APCDD1L: variants seen among roughly 807,000 people sequenced by gnomAD.
APCDD1L encodes the protein protein APCDD1-like.
A neutral mutation model predicts 24.2 loss-of-function variants in APCDD1L; 21 were observed. That is an observed-to-expected ratio of 0.87 (90% CI 0.61 to 1.25). The LOEUF is 1.25. Ranked by LOEUF, APCDD1L falls within the 50% of genes most tolerant of loss-of-function variation. APCDD1L has a pLI of 0.00. For synonymous variants in APCDD1L, 321 were observed against 323.6 expected, an observed-to-expected ratio of 0.99 and a Z score of 0.09; for missense variants, 704 against 711.7, an observed-to-expected ratio of 0.99 and a Z score of 0.12.
rs1186485788 is a variant in APCDD1L at position 58,459,339 on chromosome 20, A to G, written c.*1451T>C. 1 of 151,622 alleles carries G rather than the reference A, an allele frequency of 6.6e-6. No homozygotes were observed. The highest frequency in any genetic ancestry group is 6.6e-5 in the Admixed American group (1 of 15,242). 9.4% of individuals were successfully genotyped at this position (151,622 alleles called of 1,614,324 possible). A position where few individuals can be genotyped will look rare whatever the true frequency, so the allele number is the denominator to read the frequency against. ...TTGTAGCTGTCTGAGAGCTACAGAG[A>G]ATACTAACTTGGTGGGCTTTTTTTT... On this transcript the variant is annotated 3_prime_UTR_variant, in exon 4 of 4. Coordinates refer to ENST00000371149, the MANE Select transcript of APCDD1L (RefSeq NM_153360.3).
intron 1 of APCDD1L, among the ~76,000 whole-genome samples, chr20:58,493,638 T>G (rs1360920466): frequency 6.6e-6 from 1 of 151,582 alleles, no homozygotes; most frequent in Admixed American, 6.6e-5. Context: ...TTCATCAACC[T>G]CAGGAACAAG....
intron 1 of APCDD1L, among the ~76,000 whole-genome samples, chr20:58,471,510 G>A (rs902902550): frequency 6.6e-6 from 1 of 152,266 alleles, no homozygotes; most frequent in South Asian, 2.1e-4. Flanking sequence ...ATGGACACGG[G>A]AAGCAGGCGC....
In APCDD1L at chr20:58,467,054, G is replaced by A. The variant is rs902675095; in HGVS notation, c.741+52C>T. On this transcript the variant is annotated intron_variant, in intron 3 of 3. Transcript: ENST00000371149. This position sits in a 1 kb window ranked among gnomAD's most constrained non-coding sequence, Gnocchi z 5.9. ...AGCTGCGGGGCTGGGTTCCGAGCTC[G>A]CCTCCCCGAGACCACCACCCCCCTC... is the stretch of plus-strand genomic sequence containing the variant. 7.0e-5 allele frequency: 108 copies of A among 1,534,468 alleles called. No homozygotes were observed. In the African/African-American group the frequency reaches 1.4e-3, roughly 20 times the overall value.
Position 58,467,782 on chromosome 20 carries a change from G to GC in APCDD1L, c.189-125dup. 1.0e-6 allele frequency: 1 copy of GC among 1,000,374 alleles called. No homozygotes were observed. The highest frequency in any genetic ancestry group is 1.7e-5 in the African/African-American group (1 of 58,866). The allele number at this position is 1,000,374 out of a possible 1,614,324, so 62.0% of individuals were successfully genotyped here. A position where few individuals can be genotyped will look rare whatever the true frequency, so the allele number is the denominator to read the frequency against. ...CTCTTAGTCCTCAGCTCAGGCCTGG[G>GC]CCCCTCCAGCCTCAGTTCCCCTCAC... On this transcript the variant is annotated intron_variant, in intron 2 of 3. Coordinates refer to ENST00000371149, the MANE Select transcript of APCDD1L (RefSeq NM_153360.3). This position sits in a 1 kb window ranked among gnomAD's most constrained non-coding sequence, Gnocchi z 5.9.
At chr20:58,474,056 G>A (rs1371713777) in intron 1 of APCDD1L, among the ~76,000 whole-genome samples, 1 of 152,208 alleles carries the variant, frequency 6.6e-6, no homozygotes, top group East Asian at 1.9e-4. Flanking sequence ...CACTCACTGA[G>A]CACACCCAGA....
intron 1 of APCDD1L, 72 bp from the exon 2 acceptor site, chr20:58,470,819 C>T: frequency 6.8e-7 from 1 of 1,469,574 alleles, no homozygotes; most frequent in Non-Finnish European, 9.0e-7. Flanking sequence ...CCCTCCCAAC[C>T]CCACTGTGGC....
intron 1 of APCDD1L, among the ~76,000 whole-genome samples, chr20:58,496,866 C>T (rs6026312): frequency 6.6e-6 from 1 of 152,164 alleles, no homozygotes; most frequent in East Asian, 1.9e-4. Context: ...TGGGTGAGGC[C>T]TGAGCCTGGC....
intron 1 of APCDD1L, among the ~76,000 whole-genome samples, chr20:58,480,825 C>G (rs955770331): frequency 6.6e-6 from 1 of 152,228 alleles, no homozygotes; most frequent in African/African-American, 2.4e-5. Flanking sequence ...TATTCTTGCT[C>G]TGGCTGGAGC....
Position 58,494,304 on chromosome 20 carries a change from C to CTCTCT in APCDD1L, c.49+20350_49+20354dup, listed in dbSNP as rs762710569. ...TCTTTTCTTACTTTTCTTTTCTCTT[C>CTCTCT]TCTCTTCTCTTCTCTTCTTTTCCTT... On this transcript the variant is annotated intron_variant, in intron 1 of 3. Coordinates refer to ENST00000371149, the MANE Select transcript of APCDD1L (RefSeq NM_153360.3). The surrounding 1 kb of genome is among the most constrained non-coding windows in gnomAD (Gnocchi z 4.8). Among the ~76,000 whole-genome samples the CTCTCT allele has an allele frequency of 5.0e-5, 4 of 80,284 alleles. No homozygotes were observed. The highest frequency in any genetic ancestry group is 8.4e-5 in the Non-Finnish European group (4 of 47,496). The allele number at this position is 80,284 out of a possible 152,430, so 52.7% of individuals were successfully genotyped here.
Position 58,461,404 on chromosome 20 carries a change from G to A in APCDD1L, c.892C>T (p.Leu298Phe), listed in dbSNP as rs755036746. 131 of 1,550,604 alleles carry A rather than the reference G, an allele frequency of 8.4e-5. No individual in the cohort carries two copies. Among genetic ancestry groups the A allele is most frequent in the Non-Finnish European group, 1.0e-4 (118 of 1,143,876 alleles). The change falls in exon 4 of 4, where the codon CTC (leucine) becomes TTC (phenylalanine). Residue 298 changes from leucine to phenylalanine, a missense_variant. Transcript: ENST00000371149. The surrounding 1 kb of genome is among the most constrained non-coding windows in gnomAD (Gnocchi z 6.0). ...CCGTGGAAAGTGAAGAGCCGGGTGA[G>A]GAACAGGACTGCTGGGCGCACCTCG... ...GCEVRPAVLF[L>F]TRLFTFHGHS...
At chr20:58,464,299 G>A (rs917060332) in intron 3 of APCDD1L, among the ~76,000 whole-genome samples, 1 of 152,202 alleles carries the variant, frequency 6.6e-6, no homozygotes. Context: ...GCTGCTAGTT[G>A]GTAATCTGGG....
chr20:58,483,234 A>G (rs1294786411), intron 1 of APCDD1L, among the ~76,000 whole-genome samples: 5 of 151,562 alleles, frequency 3.3e-5, no homozygotes, highest in Non-Finnish European at 7.4e-5. Flanking sequence ...CGCCGTGGGG[A>G]GGGTTGTCAT....
chr20:58,499,795 C>T (rs1990396103), intron 1 of APCDD1L, among the ~76,000 whole-genome samples: 1 of 152,208 alleles, frequency 6.6e-6, no homozygotes, highest in African/African-American at 2.4e-5. Context: ...TCTCCTCTCT[C>T]CAGCTTCCCT....
intron 1 of APCDD1L, among the ~76,000 whole-genome samples, chr20:58,490,759 G>A (rs1422320925): frequency 6.6e-6 from 1 of 152,176 alleles, no homozygotes; most frequent in Non-Finnish European, 1.5e-5. Flanking sequence ...ATACCCTTCC[G>A]GGTTTTGGAA....
intron 1 of APCDD1L, among the ~76,000 whole-genome samples, chr20:58,488,864 C>T (rs569891029): frequency 5.9e-5 from 9 of 152,032 alleles, no homozygotes; most frequent in African/African-American, 1.4e-4. Flanking sequence ...AAAAAGCAGA[C>T]GCTAATAAAA....
chr20:58,505,627 G>T lies in APCDD1L; in HGVS notation c.49+9032C>A, dbSNP rs554292059. 5.3e-5 allele frequency among the ~76,000 whole-genome samples: 8 copies of T among 152,238 alleles called. No homozygotes were observed. The East Asian group carries it at 1.5e-3, about 29-fold the overall frequency. On this transcript the variant is annotated intron_variant, in intron 1 of 3. Coordinates refer to ENST00000371149, the MANE Select transcript of APCDD1L (RefSeq NM_153360.3). ...ATTCCATTTCCCAGAAACACCTGGT[G>T]CCATCCCACCCACCAGAGTGGGCCC... is the stretch of plus-strand genomic sequence containing the variant.
At chr20:58,513,485 C>A (rs1281033266) in intron 1 of APCDD1L, among the ~76,000 whole-genome samples, 1 of 152,158 alleles carries the variant, frequency 6.6e-6, no homozygotes, top group African/African-American at 2.4e-5. Context: ...TCCTTCAGAC[C>A]CCTGCCAGTT....
intron 1 of APCDD1L, among the ~76,000 whole-genome samples, chr20:58,504,769 C>T (rs1426834647): frequency 6.6e-6 from 1 of 152,132 alleles, no homozygotes; most frequent in African/African-American, 2.4e-5. Flanking sequence ...ATGTTTGGGG[C>T]CCCGATGTTC....
At chr20:58,503,558 A>G (rs547830345) in intron 1 of APCDD1L, among the ~76,000 whole-genome samples, 1 of 152,324 alleles carries the variant, frequency 6.6e-6, no homozygotes, top group South Asian at 2.1e-4. Flanking sequence ...ATCTACATAT[A>G]CTTTTGGAAA....
Sources: gnomAD v4.1 joint callset for allele counts (sites outside exome capture counted in the v4.1 genomes callset) on GRCh38, gnomAD v4.1.1 for gene constraint, Gnocchi (gnomAD v3.1) non-coding constraint, MANE v1.5 for transcripts, NCBI Gene and HGNC (gene_info 2026-07-23, HGNC 2026-07-21) for gene names.